ITGAM: variants seen among roughly 807,000 people sequenced by gnomAD.
ITGAM encodes the protein integrin subunit alpha M.
A neutral mutation model predicts 137.5 loss-of-function variants in ITGAM; 79 were observed. The ratio of observed to expected loss-of-function variants is 0.57; its 90% CI spans 0.48 to 0.69. The LOEUF (loss-of-function observed/expected upper bound fraction) is 0.69, where lower values mean the gene tolerates loss of function less well. Among genes scored for constraint, ITGAM ranks in the 30% least tolerant of loss-of-function variants. The pLI, the probability that ITGAM is intolerant of heterozygous loss-of-function variation, is 0.00. For synonymous variants in ITGAM, 583 were observed against 592.3 expected, an observed-to-expected ratio of 0.98 and a Z score of 0.23; for missense variants, 1,343 against 1,483.5, an observed-to-expected ratio of 0.91 and a Z score of 1.56.
At chr16:31,263,044 C>T (rs2079723063) in intron 2 of ITGAM, among the ~76,000 whole-genome samples, 1 of 152,136 alleles carries the variant, frequency 6.6e-6, no homozygotes, top group Non-Finnish European at 1.5e-5. Context: ...TGGGTTCAAT[C>T]GATTCTCCTG....
intron 14 of ITGAM, among the ~76,000 whole-genome samples, chr16:31,320,045 C>T (rs751524796): frequency 6.6e-6 from 1 of 152,142 alleles, no homozygotes; most frequent in African/African-American, 2.4e-5. Flanking sequence ...ATCTCCTGAC[C>T]TCGTGATCCG....
At chr16:31,320,630 T>G (rs183637709) in intron 14 of ITGAM, among the ~76,000 whole-genome samples, 3 of 152,314 alleles carry the variant, frequency 2.0e-5, no homozygotes. Flanking sequence ...TAATAATAAT[T>G]TTGCTACTTT....
At chr16:31,298,052 A>G in intron 14 of ITGAM, 98 bp downstream of exon 14, 1 of 990,440 alleles carries the variant, frequency 1.0e-6, no homozygotes, top group South Asian at 1.4e-5. Context: ...TTCTCACAGT[A>G]CTCCTTTCAG....
intron 11 of ITGAM, among the ~76,000 whole-genome samples, 186 bp downstream of exon 11, chr16:31,277,235 C>T (rs1350083461): frequency 2.6e-5 from 4 of 151,748 alleles, no homozygotes; most frequent in Non-Finnish European, 5.9e-5. Flanking sequence ...TCTTTCTTGT[C>T]GCCCGGGCTG....
chr16:31,275,540 T>C lies in ITGAM; in HGVS notation c.859-9T>C. On this transcript the variant is annotated splice_polypyrimidine_tract_variant and intron_variant, in intron 8 of 29. Coordinates refer to ENST00000544665, the MANE Select transcript of ITGAM (RefSeq NM_000632.4). ...ACACCATGATTTAGCCTCTGTTCCT[T>C]GGTAACAGGTGGGAGATGCCTTCCG... 6.2e-7 allele frequency: 1 copy of C among 1,613,662 alleles called. No individual in the cohort carries two copies. Among genetic ancestry groups the C allele is most frequent in the Non-Finnish European group, 8.5e-7 (1 of 1,179,654 alleles).
At chr16:31,328,623 G>T (rs1344231052) in intron 23 of ITGAM, among the ~76,000 whole-genome samples, 1 of 150,878 alleles carries the variant, frequency 6.6e-6, no homozygotes, top group Non-Finnish European at 1.5e-5. Flanking sequence ...ATGTGTGTCT[G>T]GGCATGGGTG....
intron 21 of ITGAM, 64 bp downstream of exon 21, chr16:31,325,686 C>T (rs541753152): frequency 3.8e-6 from 6 of 1,565,978 alleles, no homozygotes; most frequent in Admixed American, 3.9e-5. Context: ...TTTTCTTCTT[C>T]TTCTCTTCTT....
At chr16:31,289,102 A>G (rs1258052542) in intron 12 of ITGAM, among the ~76,000 whole-genome samples, 1 of 152,154 alleles carries the variant, frequency 6.6e-6, no homozygotes, top group Admixed American at 6.5e-5. Flanking sequence ...AAGTCAGGAA[A>G]CAACACGTGC....
intron 21 of ITGAM, among the ~76,000 whole-genome samples, chr16:31,326,055 G>C (rs1676029614): frequency 1.3e-5 from 2 of 152,098 alleles, no homozygotes; most frequent in African/African-American, 4.8e-5. Context: ...GACAGAGTGA[G>C]ACCCTGTCTT....
Position 31,325,404 on chromosome 16 carries a change from G to A in ITGAM, c.2505G>A (p.Gln835=), listed in dbSNP as rs370341384. ...CCTACCGGAAGGTGTCCACGCTCCAGGTAGCCACATCCTTCTCAGGCTCTA... is the reference window on the plus strand; with the variant it reads ...CCTACCGGAAGGTGTCCACGCTCCAAGTAGCCACATCCTTCTCAGGCTCTA... ...DLSYRKVSTL[Q]NQRSQRSWRL... is the part of the protein sequence containing the mutation. The change falls in exon 20 of 30, where the codon CAG becomes CAA. Residue 835 remains glutamine, a splice_region_variant and synonymous_variant. Coordinates refer to ENST00000544665, the MANE Select transcript of ITGAM (RefSeq NM_000632.4). The A allele has an allele frequency of 3.1e-6, 5 of 1,612,860 alleles. No individual in the cohort carries two copies. The highest frequency in any genetic ancestry group is 4.2e-6 in the Non-Finnish European group (5 of 1,179,222).
chr16:31,291,350 A>G (rs2080085147), intron 12 of ITGAM, among the ~76,000 whole-genome samples: 1 of 152,118 alleles, frequency 6.6e-6, no homozygotes, highest in Non-Finnish European at 1.5e-5. Context: ...TTGGCAATAT[A>G]CCCAGCACTG....
At chr16:31,295,308 A>ATG (rs1340562647) in intron 12 of ITGAM, among the ~76,000 whole-genome samples, 1 of 152,144 alleles carries the variant, frequency 6.6e-6, no homozygotes, top group Non-Finnish European at 1.5e-5. Flanking sequence ...AGAAGATTGC[A>ATG]TTAATACTCC....
chr16:31,312,497 G>A (rs949995653), intron 14 of ITGAM, among the ~76,000 whole-genome samples: 3 of 152,100 alleles, frequency 2.0e-5, no homozygotes, highest in African/African-American at 4.8e-5. Context: ...TGCAATCATG[G>A]CTCACTGCAG....
chr16:31,306,289 C>T (rs1202533599), intron 14 of ITGAM, among the ~76,000 whole-genome samples: 3 of 152,046 alleles, frequency 2.0e-5, no homozygotes, highest in Non-Finnish European at 4.4e-5. Context: ...TTAGCTCCTC[C>T]TCCATCATTT....
chr16:31,296,250 G>A (rs2080132262), intron 12 of ITGAM, among the ~76,000 whole-genome samples: 1 of 148,688 alleles, frequency 6.7e-6, no homozygotes, highest in Non-Finnish European at 1.5e-5. Flanking sequence ...GACTATAGGC[G>A]CCCGCCACCA....
chr16:31,305,992 G>A (rs974932680), intron 14 of ITGAM, among the ~76,000 whole-genome samples: 4 of 152,046 alleles, frequency 2.6e-5, no homozygotes, highest in African/African-American at 9.7e-5. Flanking sequence ...ATGATTTAGG[G>A]AGGATTCCCT....
chr16:31,290,589 G>T (rs7190807), intron 12 of ITGAM, among the ~76,000 whole-genome samples: 1 of 151,804 alleles, frequency 6.6e-6, no homozygotes, highest in African/African-American at 2.4e-5. Context: ...ACTTCCTCAA[G>T]CTGAAAAAGA....
At chr16:31,269,523 C>T (rs1271701155) in intron 5 of ITGAM, among the ~76,000 whole-genome samples, 1 of 152,152 alleles carries the variant, frequency 6.6e-6, no homozygotes, top group Non-Finnish European at 1.5e-5. Context: ...AGGTTAGAAG[C>T]AAGATGGAAT....
intron 27 of ITGAM, 23 bp downstream of exon 27, chr16:31,330,444 G>A (rs950163407): frequency 6.2e-7 from 1 of 1,610,728 alleles, no homozygotes; most frequent in East Asian, 2.2e-5. Context: ...CTGAGGCTTC[G>A]CCGGGCACAG....
Sources: gnomAD v4.1 joint callset for allele counts (sites outside exome capture counted in the v4.1 genomes callset) on GRCh38, gnomAD v4.1.1 for gene constraint, MANE v1.5 for transcripts, NCBI Gene and HGNC (gene_info 2026-07-23, HGNC 2026-07-21) for gene names.